The following ASAP1 variants were observed in gnomAD, a reference collection of about 807,000 sequenced individuals.
ASAP1 encodes arf-GAP with SH3 domain, ANK repeat and PH domain-containing protein 1.
A neutral mutation model predicts 145.2 loss-of-function variants in ASAP1; 43 were observed. The ratio of observed to expected loss-of-function variants is 0.30; its 90% CI spans 0.23 to 0.38. ASAP1 has a LOEUF of 0.38. Ranked by LOEUF, ASAP1 falls within the 10% of genes least tolerant of loss-of-function variation. The pLI is 1.00. For missense variants in ASAP1, 1,018 were observed against 1,355.3 expected (o/e 0.75, Z 3.91); for synonymous variants, 546 against 515.5 (o/e 1.06, Z -0.80).
chr8:130,059,166 A>C (rs2097411722), intron 28 of ASAP1, among the ~76,000 whole-genome samples: 2 of 151,248 alleles, frequency 1.3e-5, no homozygotes, highest in South Asian at 4.2e-4. Context: ...TGCAACATTT[A>C]AATTTTTTTT....
intron 3 of ASAP1, among the ~76,000 whole-genome samples, chr8:130,317,280 A>G (rs1227877276): frequency 6.6e-6 from 1 of 152,204 alleles, no homozygotes; most frequent in Non-Finnish European, 1.5e-5. Context: ...ATCATTATAC[A>G]GTAACACCAT....
At chr8:130,133,636 C>T (rs2097586919) in intron 15 of ASAP1, among the ~76,000 whole-genome samples, 1 of 151,684 alleles carries the variant, frequency 6.6e-6, no homozygotes, top group African/African-American at 2.4e-5. Context: ...GCAGTCCGGC[C>T]TGGGCGACAG....
chr8:130,065,449 G>T (rs2097428693), intron 27 of ASAP1, among the ~76,000 whole-genome samples: 1 of 152,146 alleles, frequency 6.6e-6, no homozygotes, highest in African/African-American at 2.4e-5. Context: ...TATAGGGTAG[G>T]ATCTCAAACC....
intron 1 of ASAP1, among the ~76,000 whole-genome samples, chr8:130,425,419 A>C (rs532065267): frequency 8.0e-4 from 122 of 152,140 alleles, no homozygotes; most frequent in Middle Eastern, 3.4e-3. Context: ...TGGGAGGCTG[A>C]GGTATGAGAA....
intron 27 of ASAP1, among the ~76,000 whole-genome samples, chr8:130,064,864 A>G (rs1329345383): frequency 6.6e-6 from 1 of 151,422 alleles, no homozygotes; most frequent in Non-Finnish European, 1.5e-5. Flanking sequence ...TCAAAGAAAC[A>G]CTTACCTAAG....
chr8:130,253,030 T>A (rs1475177505), intron 3 of ASAP1, among the ~76,000 whole-genome samples: 1 of 152,162 alleles, frequency 6.6e-6, no homozygotes. Flanking sequence ...AACCTATTTG[T>A]CTGGGTCTTG....
chr8:130,438,476 A>G (rs1235631366), intron 1 of ASAP1, among the ~76,000 whole-genome samples: 6 of 152,120 alleles, frequency 3.9e-5, no homozygotes, highest in Admixed American at 3.9e-4. Context: ...AGCCATACAA[A>G]AGGAACAACT....
At chr8:130,056,791 G>A (rs374503818) in intron 29 of ASAP1, among the ~76,000 whole-genome samples, 16 of 152,328 alleles carry the variant, frequency 1.1e-4, no homozygotes, top group Admixed American at 9.8e-4. Flanking sequence ...TTGGCAGGAC[G>A]GGGCTCAGGC....
chr8:130,074,967 C>T (rs866988660), intron 27 of ASAP1, among the ~76,000 whole-genome samples: 6 of 152,094 alleles, frequency 3.9e-5, no homozygotes, highest in African/African-American at 9.7e-5. Flanking sequence ...GATGGGCTGA[C>T]GCCATGCTGC....
chr8:130,294,574 A>G (rs965705918), intron 3 of ASAP1, among the ~76,000 whole-genome samples: 1 of 152,248 alleles, frequency 6.6e-6, no homozygotes, highest in East Asian at 1.9e-4. Flanking sequence ...GATGAATGAG[A>G]TAATACATCT....
At chr8:130,198,129 A>AT (rs1373691292) in intron 5 of ASAP1, among the ~76,000 whole-genome samples, 1 of 150,844 alleles carries the variant, frequency 6.6e-6, no homozygotes, top group Non-Finnish European at 1.5e-5. Flanking sequence ...GTTTATTTTC[A>AT]TAAGATTTTT....
intron 1 of ASAP1, among the ~76,000 whole-genome samples, chr8:130,402,515 C>A (rs534690772): frequency 6.6e-6 from 1 of 152,236 alleles, no homozygotes; most frequent in South Asian, 2.1e-4. Context: ...CACAGGAAGT[C>A]TGGGATAAAA....
At position 130,395,988 on chromosome 8, in the gene ASAP1, C is replaced by T. The variant is rs12678808; in HGVS notation, c.59+5897G>A. The stretch of plus-strand genomic sequence containing the variant: ...GCCATATTTCTGTTGTTTTAAGCCA[C>T]CAAGTTTGTGGTACTTTGTCACAGC... On this transcript the variant is annotated intron_variant, in intron 2 of 29. Coordinates refer to ENST00000518721, the MANE Select transcript of ASAP1 (RefSeq NM_018482.4). Among the ~76,000 whole-genome samples, 5 of 152,072 alleles carry T rather than the reference C, an allele frequency of 3.3e-5. No individual in the cohort carries two copies. The East Asian group carries it at 7.7e-4, about 24-fold the overall frequency.
intron 2 of ASAP1, among the ~76,000 whole-genome samples, chr8:130,371,822 C>G (rs1827226449): frequency 6.6e-6 from 1 of 152,170 alleles, no homozygotes; most frequent in Non-Finnish European, 1.5e-5. Flanking sequence ...AGAGGGAAAA[C>G]AAACAAACAA....
At chr8:130,237,307 T>C (rs976430094) in intron 3 of ASAP1, among the ~76,000 whole-genome samples, 4 of 152,086 alleles carry the variant, frequency 2.6e-5, no homozygotes, top group Admixed American at 2.0e-4. Flanking sequence ...GCTTGGATTC[T>C]TTCATGCATT....
intron 2 of ASAP1, among the ~76,000 whole-genome samples, chr8:130,395,582 G>C (rs1828489421): frequency 6.6e-6 from 1 of 152,200 alleles, no homozygotes; most frequent in Non-Finnish European, 1.5e-5. Context: ...AGGCAAGGAA[G>C]GATTCTCCCC....
chr8:130,188,772 T>C (rs1586554585), intron 5 of ASAP1, among the ~76,000 whole-genome samples: 2 of 145,808 alleles, frequency 1.4e-5, no homozygotes, highest in South Asian at 4.4e-4. Flanking sequence ...TGAATTTAGG[T>C]GGTGTAGCTC....
chr8:130,112,389 C>T lies in ASAP1; in HGVS notation c.2173-67G>A, dbSNP rs534782598. The T allele has an allele frequency of 1.1e-5, 16 of 1,421,170 alleles. No homozygotes were observed. In the African/African-American group the frequency reaches 1.1e-4, roughly 10 times the overall value. The allele number at this position is 1,421,170 out of a possible 1,614,324, so 88.0% of individuals were successfully genotyped here. A position where few individuals can be genotyped will look rare whatever the true frequency, so the allele number is the denominator to read the frequency against. ...ACCCTTCATGTGTACAGAGGGCCTC[C>T]GCAGGGCGGGCTCAGGTGGGAATCT... On this transcript the variant is annotated intron_variant, in intron 23 of 29. Transcript: ENST00000518721.
chr8:130,075,690 A>G (rs375834793), intron 27 of ASAP1, among the ~76,000 whole-genome samples: 3 of 152,242 alleles, frequency 2.0e-5, no homozygotes, highest in African/African-American at 7.2e-5. Context: ...TTGTGTTGTA[A>G]TAAGAAGACT....
Sources: gnomAD v4.1 joint callset for allele counts (sites outside exome capture counted in the v4.1 genomes callset) on GRCh38, gnomAD v4.1.1 for gene constraint, MANE v1.5 for transcripts, NCBI Gene and HGNC (gene_info 2026-07-23, HGNC 2026-07-21) for gene names.